Variants in THEMIS observed in about 807,000 individuals in gnomAD.
The protein encoded by THEMIS is protein THEMIS.
In THEMIS, 37 loss-of-function variants were observed where a neutral mutation model predicts 52.6. That is an observed-to-expected ratio of 0.70 (90% CI 0.54 to 0.93). The LOEUF (loss-of-function observed/expected upper bound fraction) is 0.93, where lower values mean the gene tolerates loss of function less well. THEMIS is among the 40% of genes least tolerant of loss of function. The pLI is 0.00. For synonymous variants in THEMIS, 292 were observed against 272.7 expected (o/e 1.07, Z -0.70); for missense variants, 808 against 763.1 (o/e 1.06, Z -0.69).
intron 4 of THEMIS, among the ~76,000 whole-genome samples, chr6:127,810,200 CT>C (rs397750565): frequency 5.3e-4 from 80 of 150,994 alleles, no homozygotes; most frequent in South Asian, 2.7e-3. Flanking sequence ...AAATTTTAAC[CT>C]TTTTTTTTCC....
At chr6:127,701,310 A>T in the THEMIS span, among the ~76,000 whole-genome samples, 1 of 152,078 alleles carries the variant, frequency 6.6e-6, no homozygotes, top group Non-Finnish European at 1.5e-5. Flanking sequence ...ACTATTCTGT[A>T]TCTAATTTTT....
intron 1 of THEMIS, among the ~76,000 whole-genome samples, chr6:127,900,035 A>G (rs1377056011): frequency 4.0e-5 from 6 of 151,446 alleles, no homozygotes; most frequent in Non-Finnish European, 8.9e-5. Flanking sequence ...CCAACAGTTA[A>G]GTTATTTTCC....
chr6:127,705,444 C>T (rs1773785357), downstream of THEMIS, among the ~76,000 whole-genome samples: 2 of 152,172 alleles, frequency 1.3e-5, no homozygotes, highest in Admixed American at 1.3e-4. Flanking sequence ...ACTGTTGAAG[C>T]TTCAATTTGC....
At chr6:127,704,847 G>T (rs953032750), downstream of THEMIS, among the ~76,000 whole-genome samples, 1 of 152,180 alleles carries the variant, frequency 6.6e-6, no homozygotes, top group Non-Finnish European at 1.5e-5. Flanking sequence ...TCATGGTGAG[G>T]TTCTCTGTAA....
intron 4 of THEMIS, among the ~76,000 whole-genome samples, chr6:127,769,453 T>C (rs1226996760): frequency 6.6e-6 from 1 of 151,858 alleles, no homozygotes; most frequent in Non-Finnish European, 1.5e-5. Context: ...ATACATTTCA[T>C]CCCTCATTTT....
At chr6:127,733,663 C>T (rs1386083867) in intron 4 of THEMIS, among the ~76,000 whole-genome samples, 1 of 152,200 alleles carries the variant, frequency 6.6e-6, no homozygotes, top group African/African-American at 2.4e-5. Context: ...GATGAAAATA[C>T]ATCACACTCT....
rs113523191 is a variant in THEMIS, at chr6:127,777,319, T to C, written c.1758+35564A>G. Among the ~76,000 whole-genome samples the C allele has an allele frequency of 1.1e-3, 174 of 152,310 alleles. 1 individual carries two copies. The highest frequency in any genetic ancestry group is 3.9e-3 in the African/African-American group (164 of 41,586). On this transcript the variant is annotated intron_variant, in intron 4 of 5. Transcript: ENST00000368248. ...TAGTGTTACCTCATTTATCTACTTT[T>C]AGAGGTTGCTTTAGGTTTACAATAT...
chr6:127,805,138 TTC>T (rs1377311611), intron 4 of THEMIS, among the ~76,000 whole-genome samples: 1 of 152,082 alleles, frequency 6.6e-6, no homozygotes, highest in Non-Finnish European at 1.5e-5. Context: ...TTTTATAGAA[TTC>T]TCTCTTATTT....
intron 1 of THEMIS, among the ~76,000 whole-genome samples, chr6:127,897,887 G>T (rs1423490211): frequency 4.0e-5 from 6 of 151,564 alleles, no homozygotes; most frequent in Non-Finnish European, 7.4e-5. Flanking sequence ...AATGCCTATT[G>T]GCAGTAGAAT....
chr6:127,818,522 T>C (rs1054651959), intron 3 of THEMIS, among the ~76,000 whole-genome samples: 27 of 150,410 alleles, frequency 1.8e-4, no homozygotes, highest in African/African-American at 6.1e-4. Flanking sequence ...ATAAACGTAA[T>C]ATATCAAGTT....
chr6:127,805,266 G>C (rs1475436524), intron 4 of THEMIS, among the ~76,000 whole-genome samples: 1 of 151,964 alleles, frequency 6.6e-6, no homozygotes, highest in Non-Finnish European at 1.5e-5. Flanking sequence ...CTCTTACAAA[G>C]AGGCTAAAAG....
intron 4 of THEMIS, among the ~76,000 whole-genome samples, chr6:127,730,433 C>T (rs1295103851): frequency 2.5e-5 from 3 of 119,264 alleles, no homozygotes; most frequent in Non-Finnish European, 5.1e-5. Context: ...GGGAGGGAGG[C>T]AGGAAGAGAA....
At chr6:127,824,212 C>T (rs1039878492) in intron 3 of THEMIS, among the ~76,000 whole-genome samples, 2 of 152,072 alleles carry the variant, frequency 1.3e-5, no homozygotes, top group Non-Finnish European at 2.9e-5. Flanking sequence ...TCAGAACCTC[C>T]GAAACCAGAC....
At chr6:127,881,994 C>G (rs1348638368) in intron 1 of THEMIS, among the ~76,000 whole-genome samples, 1 of 91,484 alleles carries the variant, frequency 1.1e-5, no homozygotes, top group African/African-American at 4.9e-5. Context: ...TCATCTTATA[C>G]AGCAAAAAAA....
intron 1 of THEMIS, chr6:127,868,598 T>C (rs1023455306): frequency 2.2e-5 from 8 of 363,448 alleles, no homozygotes; most frequent in African/African-American, 1.3e-4. Context: ...CTTTGGCTGG[T>C]GATATCTGGC....
At chr6:127,769,304 G>A (rs1776297321) in intron 4 of THEMIS, among the ~76,000 whole-genome samples, 1 of 150,676 alleles carries the variant, frequency 6.6e-6, no homozygotes, top group South Asian at 2.1e-4. Flanking sequence ...AAACTTCTAA[G>A]ATTGTTGTGT....
At chr6:127,889,226 C>T (rs529541153) in intron 1 of THEMIS, among the ~76,000 whole-genome samples, 41 of 152,076 alleles carry the variant, frequency 2.7e-4, no homozygotes, top group African/African-American at 9.2e-4. Flanking sequence ...TATTTTTGTT[C>T]TCAGTACATT....
intron 3 of THEMIS, among the ~76,000 whole-genome samples, chr6:127,818,302 C>A (rs1031183110): frequency 6.6e-5 from 10 of 152,006 alleles, no homozygotes; most frequent in Non-Finnish European, 1.3e-4. Context: ...TTATAGAAAT[C>A]CCCCCTCCAT....
At chr6:127,734,646 C>A (rs1018952615) in intron 4 of THEMIS, among the ~76,000 whole-genome samples, 2 of 151,554 alleles carry the variant, frequency 1.3e-5, no homozygotes, top group Non-Finnish European at 2.9e-5. Flanking sequence ...CGAGGCAGGC[C>A]GATCACGAAG....
Sources: allele counts gnomAD v4.1 joint callset (sites outside exome capture counted in the v4.1 genomes callset), GRCh38; gene constraint gnomAD v4.1.1; transcripts MANE v1.5; gene names NCBI Gene and HGNC (gene_info 2026-07-23, HGNC 2026-07-21).